Variants in KMT2C observed in about 807,000 individuals in gnomAD.
KMT2C encodes the protein histone-lysine N-methyltransferase 2C.
KMT2C carries 88 observed loss-of-function variants against 507.9 expected under a neutral mutation model. The ratio of observed to expected loss-of-function variants is 0.17; its 90% CI spans 0.15 to 0.21. The LOEUF is 0.21. Among genes scored for constraint, KMT2C ranks in the 10% least tolerant of loss-of-function variants. The probability of loss-of-function intolerance (pLI) is 1.00; values close to 1 mark genes in which losing one functional copy is unlikely to be tolerated. For synonymous variants in KMT2C, 2,049 were observed against 2,080.8 expected, an observed-to-expected ratio of 0.98 and a Z score of 0.42; for missense variants, 4,954 against 5,957.8, an observed-to-expected ratio of 0.83 and a Z score of 5.55.
intron 39 of KMT2C, 49 bp from the exon 40 acceptor site, chr7:152,171,391 A>G: frequency 8.5e-7 from 1 of 1,177,046 alleles, no homozygotes; most frequent in South Asian, 1.5e-5. Flanking sequence ...TTTAGAAATT[A>G]TTAATATTAA....
intron 53 of KMT2C, 134 bp from the exon 54 acceptor site, chr7:152,145,429 C>T: frequency 1.2e-6 from 1 of 842,928 alleles, no homozygotes; most frequent in African/African-American, 1.7e-5. Flanking sequence ...GGTCTTCTAG[C>T]TTATGTTAAC....
At chr7:152,202,402 CATCT>C (rs2094172443) in intron 26 of KMT2C, among the ~76,000 whole-genome samples, 2 of 152,164 alleles carry the variant, frequency 1.3e-5, no homozygotes, top group African/African-American at 2.4e-5. Flanking sequence ...TTGTAGTCTA[CATCT>C]ATCAAACATA....
intron 10 of KMT2C, 22 bp downstream of exon 10, chr7:152,252,524 A>C (rs1306255181): frequency 1.3e-6 from 2 of 1,595,842 alleles, no homozygotes; most frequent in Non-Finnish European, 1.7e-6. Flanking sequence ...AAAACAACTG[A>C]ATAGAATAAC....
At chr7:152,255,838 T>C (rs2095651995) in intron 9 of KMT2C, among the ~76,000 whole-genome samples, 1 of 152,066 alleles carries the variant, frequency 6.6e-6, no homozygotes, top group African/African-American at 2.4e-5. Context: ...TACACAAACA[T>C]CAACTCCAAA....
intron 1 of KMT2C, among the ~76,000 whole-genome samples, chr7:152,398,166 T>C (rs2097548554): frequency 6.6e-6 from 1 of 152,230 alleles, no homozygotes; most frequent in South Asian, 2.1e-4. Flanking sequence ...TGAGACTAAT[T>C]ACGAGAAATG....
rs1054432613 is a variant in KMT2C, at chr7:152,152,614, C to T, written c.12526+91G>A. Reference sequence around the variant, plus strand: ...ACTATACGCCAGCATGTTACCTGTCCGTTGTTAAAAGATAATCAGTATCTC... The same window carrying T: ...ACTATACGCCAGCATGTTACCTGTCTGTTGTTAAAAGATAATCAGTATCTC... On this transcript the variant is annotated intron_variant, in intron 49 of 58. Transcript: ENST00000262189. 27 of 1,463,206 alleles carry T rather than the reference C, an allele frequency of 1.8e-5. No individual in the cohort carries two copies. The South Asian group carries it at 1.9e-4, about 10-fold the overall frequency. 90.6% of individuals were successfully genotyped at this position (1,463,206 alleles called of 1,614,324 possible).
chr7:152,174,635 A>C (rs1046004784), intron 38 of KMT2C, among the ~76,000 whole-genome samples: 6 of 152,168 alleles, frequency 3.9e-5, no homozygotes, highest in African/African-American at 1.4e-4. Context: ...AAAATGCACC[A>C]ATTTCTTAAG....
chr7:152,180,974 G>A lies in KMT2C; in HGVS notation c.6886C>T (p.Arg2296Cys), dbSNP rs141524207. The A allele has an allele frequency of 7.4e-6, 12 of 1,614,040 alleles. No homozygotes were observed. The highest frequency in any genetic ancestry group is 4.0e-5 in the African/African-American group (3 of 74,910). Residue 2296 changes from arginine to cysteine, a missense_variant, in exon 36 of 59, where the codon CGT becomes TGT. By Grantham distance (180) the Arg-to-Cys change is radical. Around this residue, in one of 29 missense-constraint regions of KMT2C, gnomAD observed 1,689 missense variants for 1,654.3 expected, o/e 1.02. Transcript: ENST00000262189. The part of the protein sequence containing the change: ...TFSRVSPSAA[R>C]DPYDQSPMTP... ...ATTGGAGACTGATCATAGGGATCACGGGCAGCAGATGGGGAAACACGGCTA... is the reference window on the plus strand; with the variant it reads ...ATTGGAGACTGATCATAGGGATCACAGGCAGCAGATGGGGAAACACGGCTA...
chr7:152,400,711 CTATTTATG>C (rs1351038789), intron 1 of KMT2C, among the ~76,000 whole-genome samples: 2 of 152,188 alleles, frequency 1.3e-5, no homozygotes, highest in Admixed American at 1.3e-4. Context: ...TCTTTCTTAG[CTATTTATG>C]TGGGTGTACT....
In KMT2C at chr7:152,315,290, T is replaced by C. The variant is rs2096712070; in HGVS notation, c.438A>G (p.Gly146=). The C allele has an allele frequency of 2.5e-6, 4 of 1,613,990 alleles. No individual in the cohort carries two copies. Among genetic ancestry groups the C allele is most frequent in the African/African-American group, 1.3e-5 (1 of 75,038 alleles). Residue 146 remains glycine, a synonymous_variant, in exon 4 of 59, where the codon GGA becomes GGG. Transcript: ENST00000262189. ...FCYCGEKSSL[G]QGDLKQFRIT... is the part of the protein sequence containing the mutation. Reference sequence around the variant, plus strand: ...TTCTGAATTGTTTTAAGTCTCCTTGTCCTAAGGAACTTTTTTCCCCACAGT... The same window carrying C: ...TTCTGAATTGTTTTAAGTCTCCTTGCCCTAAGGAACTTTTTTCCCCACAGT...
At position 152,184,593 on chromosome 7, in the gene KMT2C, T is replaced by C. The variant is rs116513488; in HGVS notation, c.5082+965A>G. 5.8e-3 allele frequency among the ~76,000 whole-genome samples: 880 copies of C among 152,286 alleles called. 8 individuals carry two copies. Among genetic ancestry groups the C allele is most frequent in the African/African-American group, 0.02 (841 of 41,548 alleles). ...GAAACCTAACAAGAAAAGAGGTGACTGTGGAAGACACTGAGGCATGCCAAT... is the reference window on the plus strand; with the variant it reads ...GAAACCTAACAAGAAAAGAGGTGACCGTGGAAGACACTGAGGCATGCCAAT... On this transcript the variant is annotated intron_variant, in intron 34 of 58. Transcript: ENST00000262189.
At chr7:152,250,029 T>G in intron 12 of KMT2C, 76 bp from the exon 13 acceptor site, 2 of 819,196 alleles carry the variant, frequency 2.4e-6, no homozygotes, top group Non-Finnish European at 4.1e-6. Context: ...GTAATTTGAG[T>G]AAAGAGTTTT....
At chr7:152,192,825 G>A (rs1049419127) in intron 31 of KMT2C, among the ~76,000 whole-genome samples, 1 of 152,170 alleles carries the variant, frequency 6.6e-6, no homozygotes, top group Non-Finnish European at 1.5e-5. Context: ...TCAGGGTATA[G>A]TCATGAGGCA....
intron 27 of KMT2C, among the ~76,000 whole-genome samples, chr7:152,197,795 A>G (rs1478879308): frequency 1.3e-5 from 2 of 152,160 alleles, no homozygotes; most frequent in South Asian, 4.1e-4. Context: ...TTTCCATTAT[A>G]AAGTGAAAAG....
intron 31 of KMT2C, among the ~76,000 whole-genome samples, chr7:152,188,157 T>G (rs2093679261): frequency 6.6e-6 from 1 of 152,174 alleles, no homozygotes; most frequent in South Asian, 2.1e-4. Flanking sequence ...AAACCTTTAA[T>G]GCAATTTAAA....
rs763948100 is a variant in KMT2C, at chr7:152,181,484, T to C, written c.6376A>G (p.Thr2126Ala). The C allele has an allele frequency of 6.2e-7, 1 of 1,614,072 alleles. No homozygotes were observed. The highest frequency in any genetic ancestry group is 8.5e-7 in the Non-Finnish European group (1 of 1,180,000). ...GGTTGGGAGTATGGGTCCTGAGATG[T>C]TGGCCTTGATATGGTTCCAGGCTGG... ...FSQPGTISRP[T>A]SQDPYSQPPG... The change falls in exon 36 of 59, where the codon ACA (threonine) becomes GCA (alanine). Residue 2126 changes from threonine to alanine, a missense_variant. Thr to Ala is a moderately conservative substitution (Grantham distance 58). Transcript: ENST00000262189.
intron 14 of KMT2C, among the ~76,000 whole-genome samples, chr7:152,241,196 TTTTC>T (rs773061505): frequency 2.8e-4 from 43 of 152,130 alleles, no homozygotes; most frequent in Middle Eastern, 6.8e-3. Context: ...ATGTCTGGCA[TTTTC>T]TTTCTTTCTT....
rs115654313 is a variant in KMT2C at position 152,159,464 on chromosome 7, T to C, written c.11461-392A>G. Among the ~76,000 whole-genome samples, 1,226 of 152,320 alleles carry C rather than the reference T, an allele frequency of 8.0e-3. 16 individuals are homozygous for C. Among genetic ancestry groups the C allele is most frequent in the African/African-American group, 0.028 (1,182 of 41,564 alleles). On this transcript the variant is annotated intron_variant, in intron 43 of 58. Coordinates refer to ENST00000262189, the MANE Select transcript of KMT2C (RefSeq NM_170606.3). Reference sequence around the variant, plus strand: ...TCTGCATAGTGGTCTTGGTGAGTTATTTTTGGTTCCCCTTAGGAACTAGTG... The same window carrying C: ...TCTGCATAGTGGTCTTGGTGAGTTACTTTTGGTTCCCCTTAGGAACTAGTG...
chr7:152,325,710 T>G (rs533972199), intron 3 of KMT2C, among the ~76,000 whole-genome samples: 1 of 152,166 alleles, frequency 6.6e-6, no homozygotes, highest in East Asian at 1.9e-4. Context: ...CCTCCCAAAG[T>G]GCTAGGATTA....
Sources: allele counts gnomAD v4.1 joint callset (sites outside exome capture counted in the v4.1 genomes callset), GRCh38; gene constraint gnomAD v4.1.1; regional missense constraint gnomAD v4.1.1; transcripts MANE v1.5; gene names NCBI Gene and HGNC (gene_info 2026-07-23, HGNC 2026-07-21).